The following KAZN variants were observed in gnomAD, a reference collection of about 807,000 sequenced individuals.
KAZN encodes kazrin, periplakin interacting protein, also known as kazrin.
KAZN carries 40 observed loss-of-function variants against 87.4 expected under a neutral mutation model. The ratio of observed to expected loss-of-function variants is 0.46; its 90% CI spans 0.36 to 0.60. The LOEUF is 0.60. KAZN is among the 20% of genes least tolerant of loss of function. The pLI is 0.00. For synonymous variants in KAZN, 466 were observed against 458.3 expected, an observed-to-expected ratio of 1.02 and a Z score of -0.22; for missense variants, 898 against 1,073.9, an observed-to-expected ratio of 0.84 and a Z score of 2.29.
At chr1:14,716,452 A>T (rs992296416) in intron 1 of KAZN, among the ~76,000 whole-genome samples, 1 of 151,884 alleles carries the variant, frequency 6.6e-6, no homozygotes, top group Non-Finnish European at 1.5e-5. Flanking sequence ...ATCTTTTTTC[A>T]CATCTGTCTG....
chr1:14,080,250 T>C (rs1199227541), intron 1 of KAZN, among the ~76,000 whole-genome samples: 1 of 151,288 alleles, frequency 6.6e-6, no homozygotes, highest in African/African-American at 2.4e-5. Flanking sequence ...AGAGGTGGCT[T>C]AGAGCTCCTT....
At chr1:14,634,528 A>G (rs1292303101) in intron 1 of KAZN, among the ~76,000 whole-genome samples, 4 of 152,352 alleles carry the variant, frequency 2.6e-5, no homozygotes, top group African/African-American at 9.6e-5. Flanking sequence ...TCAAGAGAAT[A>G]ACAATACAAT....
chr1:14,894,177 C>T (rs1388359896), intron 1 of KAZN, among the ~76,000 whole-genome samples: 1 of 152,064 alleles, frequency 6.6e-6, no homozygotes, highest in Non-Finnish European at 1.5e-5. Flanking sequence ...GCCACCATCT[C>T]CCCTCCCTAG....
intron 1 of KAZN, among the ~76,000 whole-genome samples, chr1:14,038,077 A>G (rs1204746215): frequency 2.0e-5 from 3 of 152,058 alleles, no homozygotes; most frequent in African/African-American, 4.8e-5. Flanking sequence ...CCACTTATTT[A>G]TTTGTTCAGT....
intron 1 of KAZN, among the ~76,000 whole-genome samples, chr1:14,039,670 G>C (rs1293032441): frequency 6.6e-6 from 1 of 152,176 alleles, no homozygotes; most frequent in Admixed American, 6.5e-5. Flanking sequence ...TTTACTAATT[G>C]ATTTATGTTA....
At chr1:13,910,422 C>T (rs1039765746) in intron 1 of KAZN, among the ~76,000 whole-genome samples, 1 of 151,914 alleles carries the variant, frequency 6.6e-6, no homozygotes, top group Non-Finnish European at 1.5e-5. Context: ...GCAGGAGAAT[C>T]GTCTGAACCA....
chr1:14,713,560 G>T (rs573550859), intron 1 of KAZN, among the ~76,000 whole-genome samples: 1 of 152,192 alleles, frequency 6.6e-6, no homozygotes, highest in South Asian at 2.1e-4. Context: ...GGCATAGGGT[G>T]GGTAGAGGCC....
At chr1:14,776,000 T>C (rs776221584) in intron 1 of KAZN, among the ~76,000 whole-genome samples, 2 of 152,094 alleles carry the variant, frequency 1.3e-5, no homozygotes, top group African/African-American at 4.8e-5. Context: ...CACTGTGGGG[T>C]TTATTTTTTA....
At chr1:14,033,468 T>C (rs985987778) in intron 1 of KAZN, among the ~76,000 whole-genome samples, 7 of 152,242 alleles carry the variant, frequency 4.6e-5, no homozygotes, top group Non-Finnish European at 4.4e-5. Context: ...TTCCCACTTA[T>C]TGAATCTCAG....
At chr1:14,431,868 C>A (rs956519901) in intron 2 of KAZN, among the ~76,000 whole-genome samples, 1 of 152,192 alleles carries the variant, frequency 6.6e-6, no homozygotes, top group Non-Finnish European at 1.5e-5. Context: ...CGGACTGAGA[C>A]ACTACTGCCT....
intron 2 of KAZN, among the ~76,000 whole-genome samples, chr1:14,260,067 C>T (rs1411565362): frequency 5.9e-5 from 9 of 152,186 alleles, no homozygotes; most frequent in African/African-American, 2.2e-4. Flanking sequence ...CTCCTGAAGT[C>T]GGTCTTCCTT....
intron 3 of KAZN, among the ~76,000 whole-genome samples, chr1:15,035,973 T>C (rs1573130008): frequency 6.6e-6 from 1 of 152,112 alleles, no homozygotes; most frequent in East Asian, 1.9e-4. Flanking sequence ...TGAGCCGCAG[T>C]TCAGAGACCA....
intron 1 of KAZN, among the ~76,000 whole-genome samples, chr1:14,154,387 G>GT (rs1013284529): frequency 3.2e-4 from 48 of 151,894 alleles, no homozygotes; most frequent in Admixed American, 4.6e-4. Context: ...AATTCTAATG[G>GT]TTTTTTTTGT....
chr1:14,294,900 CT>C lies in KAZN; in HGVS notation c.249+114322del, dbSNP rs556014505. Among the ~76,000 whole-genome samples the C allele has an allele frequency of 2.0e-3, 278 of 139,656 alleles. 1 individual carries two copies. Among genetic ancestry groups the C allele is most frequent in the Middle Eastern group, 7.4e-3 (2 of 272 alleles). 91.6% of individuals were successfully genotyped at this position (139,656 alleles called of 152,430 possible). A position where few individuals can be genotyped will look rare whatever the true frequency, so the allele number is the denominator to read the frequency against. On this transcript the variant is annotated intron_variant, in intron 2 of 16. Transcript: ENST00000636203. ...ACTCCTTGGCCAAGCTCATTCAGAT[CT>C]TTTTTTTTTTTTTCAGCAGCTATGG...
At chr1:14,713,506 G>A (rs914676223) in intron 1 of KAZN, among the ~76,000 whole-genome samples, 4 of 152,050 alleles carry the variant, frequency 2.6e-5, no homozygotes, top group African/African-American at 9.7e-5. Flanking sequence ...GGAGACATCT[G>A]GAGATATTTT....
intron 2 of KAZN, among the ~76,000 whole-genome samples, chr1:14,380,173 G>T (rs1052975306): frequency 1.3e-5 from 2 of 152,204 alleles, no homozygotes; most frequent in Non-Finnish European, 2.9e-5. Flanking sequence ...GGCTTGGGGT[G>T]CCCCCTAATG....
chr1:14,084,634 T>C (rs906702694), intron 1 of KAZN, among the ~76,000 whole-genome samples: 7 of 150,508 alleles, frequency 4.7e-5, no homozygotes, highest in Admixed American at 4.0e-4. Flanking sequence ...TTTACTTCAA[T>C]CTGTAACTTT....
chr1:14,093,431 C>T (rs1300795884), intron 1 of KAZN, among the ~76,000 whole-genome samples: 1 of 152,056 alleles, frequency 6.6e-6, no homozygotes, highest in African/African-American at 2.4e-5. Flanking sequence ...ATCTTGGAGA[C>T]CTCTCAATAA....
At chr1:14,857,053 C>A (rs1438150494) in intron 1 of KAZN, among the ~76,000 whole-genome samples, 1 of 152,192 alleles carries the variant, frequency 6.6e-6, no homozygotes, top group Non-Finnish European at 1.5e-5. Flanking sequence ...AGGAAGCCAA[C>A]CACGCGTGAA....
Sources: gnomAD v4.1 joint callset for allele counts (sites outside exome capture counted in the v4.1 genomes callset) on GRCh38, gnomAD v4.1.1 for gene constraint, MANE v1.5 for transcripts, NCBI Gene and HGNC (gene_info 2026-07-23, HGNC 2026-07-21) for gene names.